ASXL1: variants seen among roughly 807,000 people sequenced by gnomAD.
ASXL1 encodes polycomb group protein ASXL1.
ASXL1 carries 65 observed loss-of-function variants against 89.1 expected under a neutral mutation model. The ratio of observed to expected loss-of-function variants is 0.73; its 90% CI spans 0.60 to 0.90. ASXL1 has a LOEUF of 0.90. Among genes scored for constraint, ASXL1 ranks in the 40% least tolerant of loss-of-function variants. The pLI is 0.00. For synonymous variants in ASXL1, 739 were observed against 746.9 expected (o/e 0.99, Z 0.17); for missense variants, 1,786 against 1,942.9 (o/e 0.92, Z 1.52).
At chr20:32,361,344 T>TA (rs1207181291) in intron 1 of ASXL1, among the ~76,000 whole-genome samples, 1 of 143,208 alleles carries the variant, frequency 7.0e-6, no homozygotes, top group Non-Finnish European at 1.5e-5. Context: ...ACCCTGACTC[T>TA]AAAAAAATAA....
At chr20:32,367,159 C>T (rs1458350071) in intron 2 of ASXL1, among the ~76,000 whole-genome samples, 2 of 151,530 alleles carry the variant, frequency 1.3e-5, no homozygotes, top group South Asian at 2.1e-4. Flanking sequence ...AGGCAGATCA[C>T]TTAGGTCAGG....
At chr20:32,409,482 A>G (rs985014034) in intron 4 of ASXL1, among the ~76,000 whole-genome samples, 7 of 152,128 alleles carry the variant, frequency 4.6e-5, no homozygotes, top group African/African-American at 1.7e-4. Context: ...CCTAACCTCT[A>G]AATAGTTATT....
chr20:32,389,464 A>C (rs932829229), intron 4 of ASXL1, among the ~76,000 whole-genome samples: 1 of 152,028 alleles, frequency 6.6e-6, no homozygotes, highest in Non-Finnish European at 1.5e-5. Context: ...TCTGGGGTGT[A>C]TATGTTGCTG....
At chr20:32,389,353 G>C (rs1361636848) in intron 4 of ASXL1, among the ~76,000 whole-genome samples, 1 of 152,038 alleles carries the variant, frequency 6.6e-6, no homozygotes, top group Non-Finnish European at 1.5e-5. Flanking sequence ...TGATTTACCT[G>C]TTCTTAGCAT....
At chr20:32,424,958 T>TG (rs2011232093) in intron 4 of ASXL1, among the ~76,000 whole-genome samples, 1 of 152,128 alleles carries the variant, frequency 6.6e-6, no homozygotes, top group African/African-American at 2.4e-5. Flanking sequence ...CACTGCCCCT[T>TG]CCCAGTCACA....
intron 4 of ASXL1, among the ~76,000 whole-genome samples, chr20:32,369,997 G>A (rs1205494611): frequency 6.6e-6 from 1 of 152,054 alleles, no homozygotes; most frequent in Non-Finnish European, 1.5e-5. Flanking sequence ...GGGATTACAG[G>A]CGTGAGCCAC....
At position 32,434,816 on chromosome 20, in the gene ASXL1, C is replaced by G; in HGVS notation, c.2104C>G (p.Leu702Val). The change falls in exon 13 of 13, where the codon CTA becomes GTA. Residue 702 changes from leucine (L) to valine (V), a missense_variant. Physicochemically the swap from Leu to Val is conservative, Grantham distance 32. Transcript: ENST00000375687. The part of the protein sequence containing the change: ...QRTQLLPPYP[L>V]NGEHTQAGTA... ...AACACAACTACTGCCGCCTTATCCT[C>G]TAAATGGGGAGCATACCCAGGCCGG... is the stretch of plus-strand genomic sequence containing the variant. The G allele has an allele frequency of 6.2e-7, 1 of 1,614,080 alleles. No individual in the cohort carries two copies. Among genetic ancestry groups the G allele is most frequent in the Non-Finnish European group, 8.5e-7 (1 of 1,180,022 alleles).
rs375012860 is a variant in ASXL1 at position 32,413,140 on chromosome 20, T to G, written c.253-14988T>G. Among the ~76,000 whole-genome samples, 2 of 151,878 alleles carry G rather than the reference T, an allele frequency of 1.3e-5. 1 individual carries two copies. Among genetic ancestry groups the G allele is most frequent in the East Asian group, 3.8e-4 (2 of 5,202 alleles). ...CAGAATATATTGTTAAGTGGAAAAT[T>G]GAAGAGCAAAATACTCTCTGAGGCA... On this transcript the variant is annotated intron_variant, in intron 4 of 12. Coordinates refer to ENST00000375687, the MANE Select transcript of ASXL1 (RefSeq NM_015338.6).
In ASXL1 at chr20:32,437,095, C is replaced by G; in HGVS notation, c.4383C>G (p.Pro1461=). Residue 1461 remains proline, a synonymous_variant, in exon 13 of 13, where the codon CCC becomes CCG. Transcript: ENST00000375687. ...STSFNYSSSS[P]TFPKGLAGSV... ...GCTTTAATTATTCCTCTAGCTCTCC[C>G]ACCTTTCCCAAAGGCCTTGCTGGAA... 1 of 1,614,208 alleles carries G rather than the reference C, an allele frequency of 6.2e-7. No individual in the cohort carries two copies. The highest frequency in any genetic ancestry group is 1.1e-5 in the South Asian group (1 of 91,088).
At chr20:32,384,706 G>A (rs111234180) in intron 4 of ASXL1, among the ~76,000 whole-genome samples, 25 of 152,270 alleles carry the variant, frequency 1.6e-4, no homozygotes, top group African/African-American at 5.5e-4. Flanking sequence ...ACTGCCTTTT[G>A]TCCTTCTACC....
At chr20:32,379,365 T>C (rs1156348491) in intron 4 of ASXL1, among the ~76,000 whole-genome samples, 1 of 146,924 alleles carries the variant, frequency 6.8e-6, no homozygotes, top group African/African-American at 2.5e-5. Context: ...ATTTATTTAT[T>C]ATTATTATTA....
intron 8 of ASXL1, 28 bp downstream of exon 8, chr20:32,430,081 C>A (rs2123226460): frequency 6.3e-7 from 1 of 1,598,384 alleles, no homozygotes; most frequent in Admixed American, 1.7e-5. Flanking sequence ...TATTTCTCTG[C>A]CTGTAAAGGG....
chr20:32,363,985 C>A (rs1600466905), intron 1 of ASXL1, among the ~76,000 whole-genome samples: 1 of 152,300 alleles, frequency 6.6e-6, no homozygotes, highest in Admixed American at 6.5e-5. Flanking sequence ...ACATTGTAGG[C>A]ATTACTTACA....
intron 4 of ASXL1, among the ~76,000 whole-genome samples, chr20:32,417,223 CA>C (rs1301302007): frequency 6.6e-6 from 1 of 152,066 alleles, no homozygotes; most frequent in Non-Finnish European, 1.5e-5. Context: ...TTCTAAAATT[CA>C]AGAAATTCTA....
intron 4 of ASXL1, among the ~76,000 whole-genome samples, chr20:32,414,928 A>G (rs2049111544): frequency 1.3e-5 from 2 of 151,684 alleles, no homozygotes; most frequent in African/African-American, 4.8e-5. Context: ...CTATTTGGGG[A>G]GCTTTGGGAG....
chr20:32,379,671 T>C (rs1172088774), intron 4 of ASXL1, among the ~76,000 whole-genome samples: 2 of 149,256 alleles, frequency 1.3e-5, no homozygotes, highest in Admixed American at 6.7e-5. Flanking sequence ...ACTAAAAATA[T>C]GAAAATTAGC....
intron 4 of ASXL1, among the ~76,000 whole-genome samples, chr20:32,374,464 A>AT (rs1192166091): frequency 9.6e-4 from 146 of 151,686 alleles, no homozygotes; most frequent in African/African-American, 3.3e-3. Context: ...ATTAAAAAAA[A>AT]TTTTTTTTAT....
chr20:32,412,439 C>T (rs1231120280), intron 4 of ASXL1, among the ~76,000 whole-genome samples: 2 of 152,150 alleles, frequency 1.3e-5, no homozygotes, highest in Admixed American at 6.5e-5. Flanking sequence ...TGAAGAATTA[C>T]TTGGGTTAGA....
chr20:32,430,204 G>C, intron 8 of ASXL1, 151 bp downstream of exon 8: 1 of 1,086,682 alleles, frequency 9.2e-7, no homozygotes, highest in Non-Finnish European at 1.3e-6. Context: ...TTTGTAATTT[G>C]CTTATTTCAT....
Sources: gnomAD v4.1 joint callset for allele counts (sites outside exome capture counted in the v4.1 genomes callset) on GRCh38, gnomAD v4.1.1 for gene constraint, MANE v1.5 for transcripts, NCBI Gene and HGNC (gene_info 2026-07-23, HGNC 2026-07-21) for gene names.